The following RGS7 variants were observed in gnomAD, a reference collection of about 807,000 sequenced individuals.
The protein encoded by RGS7 is regulator of G protein signaling 7, also known as regulator of G-protein signaling 7.
A neutral mutation model predicts 81.1 loss-of-function variants in RGS7; 27 were observed. The observed-to-expected ratio is 0.33, with a 90% CI of 0.25 to 0.46. The LOEUF (loss-of-function observed/expected upper bound fraction) is 0.46. RGS7 is among the 20% of genes least tolerant of loss of function. The pLI, the probability that RGS7 is intolerant of heterozygous loss-of-function variation, is 1.00. For synonymous variants in RGS7, 208 were observed against 207.7 expected (o/e 1.00, Z -0.01); for missense variants, 396 against 607.4 (o/e 0.65, Z 3.66).
intron 2 of RGS7, among the ~76,000 whole-genome samples, chr1:241,162,018 A>C (rs1326758883): frequency 6.6e-6 from 1 of 152,032 alleles, no homozygotes; most frequent in Non-Finnish European, 1.5e-5. Context: ...TGCCCGGCCA[A>C]CTGTTCTATT....
intron 2 of RGS7, among the ~76,000 whole-genome samples, chr1:241,103,849 G>A (rs2064933152): frequency 6.6e-6 from 1 of 152,202 alleles, no homozygotes; most frequent in Non-Finnish European, 1.5e-5. Context: ...ACTCCAGCTT[G>A]CGCTACAGAA....
intron 4 of RGS7, among the ~76,000 whole-genome samples, chr1:240,952,363 G>A (rs770016496): frequency 6.6e-6 from 1 of 152,026 alleles, no homozygotes; most frequent in Non-Finnish European, 1.5e-5. Flanking sequence ...GGAAGAAAGG[G>A]ATGAATTGGG....
intron 4 of RGS7, among the ~76,000 whole-genome samples, chr1:240,951,327 T>C (rs377007584): frequency 6.6e-6 from 1 of 152,054 alleles, no homozygotes; most frequent in African/African-American, 2.4e-5. Context: ...GACACAGAAA[T>C]TGGAATTATC....
At position 241,163,164 on chromosome 1, in the gene RGS7, C is replaced by T. The variant is rs1009342865; in HGVS notation, c.79-64402G>A. ...CAAAAGGTCAGAAAGGGGGTTCATT[C>T]GAGGGAGCCAGGAAACGGGGCCTGA... On this transcript the variant is annotated intron_variant, in intron 2 of 18. Transcript: ENST00000440928. The surrounding 1 kb of genome is among the most constrained non-coding windows in gnomAD (Gnocchi z 4.6). Among the ~76,000 whole-genome samples the T allele has an allele frequency of 6.6e-6, 1 of 152,010 alleles. No individual in the cohort carries two copies. The highest frequency in any genetic ancestry group is 6.6e-5 in the Admixed American group (1 of 15,252).
At chr1:241,040,897 T>C (rs1052867075) in intron 3 of RGS7, among the ~76,000 whole-genome samples, 1 of 152,198 alleles carries the variant, frequency 6.6e-6, no homozygotes, top group East Asian at 1.9e-4. Flanking sequence ...ACCAACAGAA[T>C]GTATTACTCT....
chr1:241,024,569 T>C (rs1010662828), intron 3 of RGS7, among the ~76,000 whole-genome samples: 21 of 152,112 alleles, frequency 1.4e-4, no homozygotes, highest in Non-Finnish European at 2.5e-4. Flanking sequence ...AAGAAAGAAA[T>C]GTGAATTGAC....
At chr1:241,249,599 C>T (rs923959262) in intron 2 of RGS7, among the ~76,000 whole-genome samples, 3 of 152,140 alleles carry the variant, frequency 2.0e-5, no homozygotes, top group African/African-American at 7.2e-5. Flanking sequence ...TCAGGTTCTA[C>T]GAAAAAGCCT....
rs568780642 is a variant in RGS7 at position 241,115,776 on chromosome 1, T to C, written c.79-17014A>G. 9.4e-4 allele frequency among the ~76,000 whole-genome samples: 143 copies of C among 152,322 alleles called. 2 individuals carry two copies. The South Asian group carries it at 0.027, about 29-fold the overall frequency. On this transcript the variant is annotated intron_variant, in intron 2 of 18. Coordinates refer to ENST00000440928, the MANE Select transcript of RGS7 (RefSeq NM_001364886.1). ...ATGACTATGACCTATGTAGGAAATC[T>C]GTGAACTGAGTAAGTAGTCATATGA...
intron 18 of RGS7, among the ~76,000 whole-genome samples, chr1:240,783,967 G>A (rs1453596130): frequency 4.8e-5 from 7 of 146,946 alleles, no homozygotes; most frequent in African/African-American, 1.5e-4. Flanking sequence ...CCTGAGGTCA[G>A]GAGTTTAAGA....
At chr1:240,978,419 C>G (rs1684458585) in intron 4 of RGS7, among the ~76,000 whole-genome samples, 1 of 151,822 alleles carries the variant, frequency 6.6e-6, no homozygotes, top group Non-Finnish European at 1.5e-5. Context: ...TAGAAGAGAA[C>G]TTTCTAAAGG....
chr1:240,828,434 A>ATGGCTACATGGAC (rs1015244087), intron 9 of RGS7, among the ~76,000 whole-genome samples: 1 of 152,202 alleles, frequency 6.6e-6, no homozygotes, highest in Non-Finnish European at 1.5e-5. Context: ...TGAGAAGTTA[A>ATGGCTACATGGAC]TGGCTACATG....
At chr1:241,268,737 T>G (rs767783881) in intron 2 of RGS7, among the ~76,000 whole-genome samples, 1 of 152,112 alleles carries the variant, frequency 6.6e-6, no homozygotes, top group African/African-American at 2.4e-5. Flanking sequence ...ACTCTAACAG[T>G]TGCTGCTCAA....
chr1:240,930,635 T>C, intron 6 of RGS7, 82 bp downstream of exon 6: 3 of 1,298,652 alleles, frequency 2.3e-6, no homozygotes, highest in Admixed American at 1.7e-5. Context: ...CTTTTCTTAA[T>C]GAAAAAAGCA....
intron 2 of RGS7, among the ~76,000 whole-genome samples, chr1:241,322,283 T>A (rs1013252554): frequency 1.3e-5 from 2 of 152,310 alleles, no homozygotes; most frequent in South Asian, 4.1e-4. Context: ...ACCACACCTA[T>A]AAGTGAGTGG....
intron 2 of RGS7, among the ~76,000 whole-genome samples, chr1:241,328,659 C>T (rs1293530805): frequency 6.6e-6 from 1 of 152,192 alleles, no homozygotes; most frequent in Non-Finnish European, 1.5e-5. Flanking sequence ...TGACTGACAG[C>T]TAGGGACTCC....
At chr1:241,089,053 CTCTCTCTCTCTATATATA>C (rs1213343856) in intron 3 of RGS7, among the ~76,000 whole-genome samples, 3 of 53,194 alleles carry the variant, frequency 5.6e-5, no homozygotes, top group Non-Finnish European at 1.1e-4. Context: ...CTCTCTCTCT[CTCTCTCTCTCTATATATA>C]TATATATATA....
intron 3 of RGS7, among the ~76,000 whole-genome samples, chr1:241,003,389 A>G (rs367920289): frequency 1.0e-4 from 15 of 147,112 alleles, no homozygotes; most frequent in African/African-American, 3.8e-4. Flanking sequence ...TGAACCCAGG[A>G]GGCAGAGCTT....
chr1:241,171,345 T>A (rs144739483), intron 2 of RGS7, among the ~76,000 whole-genome samples: 4 of 152,304 alleles, frequency 2.6e-5, no homozygotes, highest in Non-Finnish European at 5.9e-5. Flanking sequence ...TCAGCATAAT[T>A]CCATAAGGCA....
chr1:240,884,992 T>A (rs1486810102), intron 6 of RGS7, among the ~76,000 whole-genome samples: 1 of 152,192 alleles, frequency 6.6e-6, no homozygotes, highest in Non-Finnish European at 1.5e-5. Flanking sequence ...AGAAAATATT[T>A]GCAAACTATG....
Sources: gnomAD v4.1 joint callset for allele counts (sites outside exome capture counted in the v4.1 genomes callset) on GRCh38, gnomAD v4.1.1 for gene constraint, Gnocchi (gnomAD v3.1) non-coding constraint, MANE v1.5 for transcripts, NCBI Gene and HGNC (gene_info 2026-07-23, HGNC 2026-07-21) for gene names.